TRIM44: variants seen among roughly 807,000 people sequenced by gnomAD.
TRIM44 encodes tripartite motif containing 44.
In TRIM44, 13 loss-of-function variants were observed where a neutral mutation model predicts 37.4. The ratio of observed to expected loss-of-function variants is 0.35; its 90% CI spans 0.23 to 0.55. TRIM44 has a LOEUF of 0.55. Ranked by LOEUF, TRIM44 falls within the 20% of genes least tolerant of loss-of-function variation. The pLI is 0.89. For missense variants in TRIM44, 426 were observed against 437.2 expected (o/e 0.97, Z 0.23); for synonymous variants, 175 against 157.2 (o/e 1.11, Z -0.85).
In TRIM44 at chr11:35,663,623, C is replaced by T; in HGVS notation, c.512C>T (p.Ala171Val). ...TTTGACCCAGAAATAGAAATGGAAG[C>T]AGAGAGAGTGGCCAAGAGGAAGTGT... Reference protein sequence around the residue: ...SEFDPEIEMEAERVAKRKCPD... With the variant: ...SEFDPEIEMEVERVAKRKCPD... Residue 171 changes from alanine (A) to valine (V), a missense_variant, in exon 1 of 5, where the codon GCA becomes GTA. Ala to Val is a moderately conservative substitution (Grantham distance 64). Around this residue, in one of 2 missense-constraint regions of TRIM44, gnomAD observed 331 missense variants for 303.0 expected, o/e 1.09. Coordinates refer to ENST00000299413, the MANE Select transcript of TRIM44 (RefSeq NM_017583.6). 1 of 1,614,082 alleles carries T rather than the reference C, an allele frequency of 6.2e-7. No homozygotes were observed. Among genetic ancestry groups the T allele is most frequent in the Non-Finnish European group, 8.5e-7 (1 of 1,180,030 alleles).
chr11:35,738,542 A>G (rs1852354192), intron 4 of TRIM44, among the ~76,000 whole-genome samples: 1 of 152,182 alleles, frequency 6.6e-6, no homozygotes, highest in Admixed American at 6.5e-5. Context: ...TTTAACCTTT[A>G]AATTCCTACT....
intron 4 of TRIM44, among the ~76,000 whole-genome samples, chr11:35,799,785 T>C (rs1259138705): frequency 6.6e-6 from 1 of 152,188 alleles, no homozygotes; most frequent in African/African-American, 2.4e-5. Context: ...TTGTGGAACA[T>C]TGAGTAAGCC....
chr11:35,742,598 T>G (rs1317728158), intron 4 of TRIM44, among the ~76,000 whole-genome samples: 1 of 132,918 alleles, frequency 7.5e-6, no homozygotes, highest in East Asian at 2.0e-4. Flanking sequence ...TTGTATTATA[T>G]ATAATTATAT....
At chr11:35,749,940 C>T (rs1270912658) in intron 4 of TRIM44, among the ~76,000 whole-genome samples, 1 of 152,112 alleles carries the variant, frequency 6.6e-6, no homozygotes, top group Non-Finnish European at 1.5e-5. Context: ...TGTAACCTTT[C>T]TTTTATTAGA....
intron 2 of TRIM44, among the ~76,000 whole-genome samples, chr11:35,702,599 G>T (rs548582403): frequency 6.6e-6 from 1 of 152,316 alleles, no homozygotes; most frequent in South Asian, 2.1e-4. Context: ...CCTCCCTAAG[G>T]CCTGGAACTT....
In TRIM44 at chr11:35,663,038, A is replaced by G; in HGVS notation, c.-74A>G. The G allele has an allele frequency of 6.9e-7, 1 of 1,441,968 alleles. No individual in the cohort carries two copies. The highest frequency in any genetic ancestry group is 9.1e-7 in the Non-Finnish European group (1 of 1,103,770). 89.3% of individuals were successfully genotyped at this position (1,441,968 alleles called of 1,614,324 possible). Reference sequence around the variant, plus strand: ...CTAGGAAGGGACCCGGGGCGGGAGGAGGAAGTGAGGCCGCGCGGAAGGAAG... The same window carrying G: ...CTAGGAAGGGACCCGGGGCGGGAGGGGGAAGTGAGGCCGCGCGGAAGGAAG... On this transcript the variant is annotated 5_prime_UTR_variant, in exon 1 of 5. Transcript: ENST00000299413.
intron 1 of TRIM44, among the ~76,000 whole-genome samples, chr11:35,683,443 A>T (rs1851541460): frequency 6.6e-6 from 1 of 152,152 alleles, no homozygotes; most frequent in Admixed American, 6.5e-5. Context: ...CCTTTAGTAT[A>T]TTTTAATTTA....
At chr11:35,701,267 T>TCC (rs949764633) in intron 2 of TRIM44, among the ~76,000 whole-genome samples, 1 of 152,096 alleles carries the variant, frequency 6.6e-6, no homozygotes, top group Non-Finnish European at 1.5e-5. Context: ...CTGTTTTTTT[T>TCC]CCCCCCGAAA....
At chr11:35,723,646 C>G (rs957898314) in intron 2 of TRIM44, among the ~76,000 whole-genome samples, 10 of 152,188 alleles carry the variant, frequency 6.6e-5, no homozygotes, top group Admixed American at 6.5e-4. Flanking sequence ...ATGACTCATT[C>G]ACCTGCTGCA....
chr11:35,712,436 C>T (rs541850338), intron 2 of TRIM44, among the ~76,000 whole-genome samples: 5 of 152,212 alleles, frequency 3.3e-5, no homozygotes, highest in African/African-American at 1.2e-4. Flanking sequence ...CCTCTTCTCC[C>T]TTCCCCTGCA....
At chr11:35,796,704 G>A (rs968057589) in intron 4 of TRIM44, among the ~76,000 whole-genome samples, 1 of 152,188 alleles carries the variant, frequency 6.6e-6, no homozygotes, top group South Asian at 2.1e-4. Context: ...CAGCACTGGG[G>A]GGAGGAAAGG....
intron 4 of TRIM44, among the ~76,000 whole-genome samples, chr11:35,747,023 G>T (rs1309953079): frequency 2.0e-5 from 3 of 152,162 alleles, no homozygotes. Context: ...GAAAAACAGT[G>T]CAAAGAGGGA....
chr11:35,781,245 CT>C (rs200212103), intron 4 of TRIM44, among the ~76,000 whole-genome samples: 9 of 150,656 alleles, frequency 6.0e-5, no homozygotes, highest in East Asian at 3.9e-4. Context: ...ACGTTTTAGC[CT>C]TTTTTTTTAA....
At chr11:35,692,386 A>C (rs560235095) in intron 2 of TRIM44, among the ~76,000 whole-genome samples, 17 of 152,296 alleles carry the variant, frequency 1.1e-4, no homozygotes, top group Admixed American at 1.0e-3. Context: ...TCTTTTGTGC[A>C]TAAAATGGTA....
At chr11:35,713,832 C>G (rs1852007684) in intron 2 of TRIM44, among the ~76,000 whole-genome samples, 1 of 152,062 alleles carries the variant, frequency 6.6e-6, no homozygotes, top group African/African-American at 2.4e-5. Flanking sequence ...CCAACTACGC[C>G]CATAGACTGA....
chr11:35,686,374 G>GTT (rs577200341), intron 2 of TRIM44, among the ~76,000 whole-genome samples: 6 of 133,372 alleles, frequency 4.5e-5, no homozygotes, highest in Non-Finnish European at 8.2e-5. Flanking sequence ...TTTTGTTTTT[G>GTT]TTTTTTTTTT....
intron 4 of TRIM44, among the ~76,000 whole-genome samples, chr11:35,784,156 A>G (rs1232412175): frequency 1.3e-5 from 2 of 152,238 alleles, no homozygotes; most frequent in Non-Finnish European, 2.9e-5. Flanking sequence ...GGATAAGGGC[A>G]GGAGTACTCA....
intron 2 of TRIM44, among the ~76,000 whole-genome samples, chr11:35,725,248 C>T (rs1182324989): frequency 6.6e-6 from 1 of 152,134 alleles, no homozygotes. Context: ...TATCTATATA[C>T]ATATATGTAC....
intron 1 of TRIM44, among the ~76,000 whole-genome samples, chr11:35,674,100 A>G (rs1029640102): frequency 6.6e-6 from 1 of 152,134 alleles, no homozygotes. Context: ...TAGGAGACGT[A>G]TTATAGACAA....
Sources: allele counts gnomAD v4.1 joint callset (sites outside exome capture counted in the v4.1 genomes callset), GRCh38; gene constraint gnomAD v4.1.1; regional missense constraint gnomAD v4.1.1; transcripts MANE v1.5; gene names NCBI Gene and HGNC (gene_info 2026-07-23, HGNC 2026-07-21).